CUX2: variants seen among roughly 807,000 people sequenced by gnomAD.
CUX2 encodes the protein homeobox protein cut-like 2.
A neutral mutation model predicts 144.8 loss-of-function variants in CUX2; 40 were observed. The ratio of observed to expected loss-of-function variants is 0.28; its 90% CI spans 0.21 to 0.36. The LOEUF is 0.36. Among genes scored for constraint, CUX2 ranks in the 10% least tolerant of loss-of-function variants. The pLI, the probability that CUX2 is intolerant of heterozygous loss-of-function variation, is 1.00. For synonymous variants in CUX2, 827 were observed against 875.6 expected (o/e 0.94, Z 0.98); for missense variants, 1,615 against 1,994.0 (o/e 0.81, Z 3.62).
chr12:111,060,415 A>C (rs1184673338), intron 1 of CUX2, among the ~76,000 whole-genome samples: 2 of 152,202 alleles, frequency 1.3e-5, no homozygotes, highest in Non-Finnish European at 2.9e-5. Flanking sequence ...CTGATCTGGG[A>C]GGCTCTCCTG....
intron 16 of CUX2, 31 bp from the exon 17 acceptor site, chr12:111,319,981 G>A: frequency 6.9e-7 from 1 of 1,449,642 alleles, no homozygotes; most frequent in Non-Finnish European, 9.0e-7. Flanking sequence ...CTGACCCTGG[G>A]CCTCGGGCCG....
intron 3 of CUX2, among the ~76,000 whole-genome samples, chr12:111,234,410 A>C (rs1882628402): frequency 6.6e-6 from 1 of 152,110 alleles, no homozygotes; most frequent in Non-Finnish European, 1.5e-5. Flanking sequence ...AAAGAGATGA[A>C]CTCTGTTCAG....
chr12:111,329,615 C>T (rs73199874), intron 18 of CUX2, among the ~76,000 whole-genome samples: 30,192 of 151,808 alleles, frequency 0.2, 3,848 homozygotes, highest in African/African-American at 0.37. Flanking sequence ...CTTCAAAGAC[C>T]CTCAGTTTTT....
At chr12:111,219,081 A>G (rs1350017895) in intron 3 of CUX2, among the ~76,000 whole-genome samples, 1 of 152,160 alleles carries the variant, frequency 6.6e-6, no homozygotes, top group Non-Finnish European at 1.5e-5. Flanking sequence ...ACCAGAGGGG[A>G]TGCATTTTAA....
At chr12:111,282,625 TAAA>T (rs3061123) in intron 4 of CUX2, among the ~76,000 whole-genome samples, 14,869 of 104,892 alleles carry the variant, frequency 0.14, 1,427 homozygotes, top group African/African-American at 0.3. Context: ...AAACTCCATC[TAAA>T]AAAAAAAAAA....
chr12:111,034,705 G>C lies in CUX2; in HGVS notation c.63+465G>C, dbSNP rs1566181814. 6.6e-6 allele frequency among the ~76,000 whole-genome samples: 1 copy of C among 151,680 alleles called. No homozygotes were observed. The highest frequency in any genetic ancestry group is 1.5e-5 in the Non-Finnish European group (1 of 67,850). The stretch of plus-strand genomic sequence containing the variant: ...CTCCGGCGAGGGAGGGAGGGAGCTG[G>C]CGGGCAGGGAGGAGGAGGAGGAGAG... On this transcript the variant is annotated intron_variant, in intron 1 of 21. Coordinates refer to ENST00000261726, the MANE Select transcript of CUX2 (RefSeq NM_015267.4). The surrounding 1 kb of genome is among the most constrained non-coding windows in gnomAD (Gnocchi z 4.2).
At position 111,068,476 on chromosome 12, in the gene CUX2, G is replaced by A. The variant is rs1412840495; in HGVS notation, c.63+34236G>A. Among the ~76,000 whole-genome samples the A allele has an allele frequency of 1.3e-5, 2 of 152,220 alleles. No individual in the cohort carries two copies. Among genetic ancestry groups the A allele is most frequent in the Admixed American group, 6.5e-5 (1 of 15,290 alleles). On this transcript the variant is annotated intron_variant, in intron 1 of 21. Transcript: ENST00000261726. This position sits in a 1 kb window ranked among gnomAD's most constrained non-coding sequence, Gnocchi z 4.9. ...CGTCACCCGGGGTGACTGTGGAGAC[G>A]CCTGCAACAGTGAGCTTTTTTATTT...
At chr12:111,072,660 T>C (rs1314391467) in intron 1 of CUX2, among the ~76,000 whole-genome samples, 2 of 152,176 alleles carry the variant, frequency 1.3e-5, no homozygotes, top group Non-Finnish European at 2.9e-5. Flanking sequence ...GGAAATAAAA[T>C]TGATTAAAAT....
intron 1 of CUX2, among the ~76,000 whole-genome samples, chr12:111,079,025 C>T (rs1159231668): frequency 1.3e-5 from 2 of 152,216 alleles, no homozygotes; most frequent in East Asian, 1.9e-4. Context: ...TGCAGCAGAA[C>T]ATTAGCTGTC....
rs768815756 is a variant in CUX2, at chr12:111,338,419, C to T, written c.3330C>T (p.Leu1110=). Residue 1110 remains leucine (L), a synonymous_variant, in exon 20 of 22, where the codon CTC becomes CTT. Transcript: ENST00000261726. ...CTTTTGTCCGCATGCAGCTGTGGCT[C>T]AATGACCCCCATAACGTGGAGAAGC... is the stretch of plus-strand genomic sequence containing the variant. ...REPFVRMQLW[L]NDPHNVEKLR... is the part of the protein sequence containing the mutation. 3.7e-6 allele frequency: 6 copies of T among 1,613,924 alleles called. No homozygotes were observed. In the Admixed American group the frequency reaches 1.0e-4, roughly 27 times the overall value.
At position 111,035,613 on chromosome 12, in the gene CUX2, CTT is replaced by C. The variant is rs60539275; in HGVS notation, c.63+1388_63+1389del. Among the ~76,000 whole-genome samples the C allele has an allele frequency of 6.7e-5, 9 of 135,114 alleles. No homozygotes were observed. The highest frequency in any genetic ancestry group is 1.5e-4 in the Admixed American group (2 of 13,660). 88.6% of individuals were successfully genotyped at this position (135,114 alleles called of 152,430 possible). A position where few individuals can be genotyped will look rare whatever the true frequency, so the allele number is the denominator to read the frequency against. On this transcript the variant is annotated intron_variant, in intron 1 of 21. Coordinates refer to ENST00000261726, the MANE Select transcript of CUX2 (RefSeq NM_015267.4). This position sits in a 1 kb window ranked among gnomAD's most constrained non-coding sequence, Gnocchi z 6.0. ...CAGTCTGGAGATAAAAAGGGACCCA[CTT>C]TTTTTTTTTTTTTTAATCCGCCGGC... is the stretch of plus-strand genomic sequence containing the variant.
At chr12:111,168,218 C>A (rs1878279298) in intron 1 of CUX2, among the ~76,000 whole-genome samples, 1 of 152,172 alleles carries the variant, frequency 6.6e-6, no homozygotes, top group African/African-American at 2.4e-5. Context: ...TGGCTCCTCA[C>A]CTCACCCCAA....
chr12:111,330,696 T>C (rs1425332877), intron 18 of CUX2, among the ~76,000 whole-genome samples: 92 of 6,446 alleles, frequency 0.014, 2 homozygotes, highest in African/African-American at 0.05. Context: ...CATATATATA[T>C]ATATATATAT....
intron 1 of CUX2, among the ~76,000 whole-genome samples, chr12:111,070,392 CT>C (rs55667059): frequency 1.7e-5 from 1 of 59,038 alleles, no homozygotes; most frequent in Non-Finnish European, 3.3e-5. Context: ...TTCCTTCCTT[CT>C]TTCCTTCCTT....
intron 1 of CUX2, among the ~76,000 whole-genome samples, chr12:111,213,245 C>T (rs1881330185): frequency 6.6e-6 from 1 of 152,216 alleles, no homozygotes; most frequent in South Asian, 2.1e-4. Context: ...TGCAAGGAAG[C>T]AGCCGACCAC....
intron 1 of CUX2, among the ~76,000 whole-genome samples, chr12:111,139,267 A>G (rs769956243): frequency 5.3e-5 from 8 of 152,096 alleles, no homozygotes; most frequent in Non-Finnish European, 1.0e-4. Flanking sequence ...TTTGGAGAAG[A>G]GAGAAAGATC....
At chr12:111,073,706 T>A (rs538502503) in intron 1 of CUX2, among the ~76,000 whole-genome samples, 1 of 152,162 alleles carries the variant, frequency 6.6e-6, no homozygotes, top group Admixed American at 6.5e-5. Context: ...ATGCCTATAA[T>A]CCCAATGCTT....
At chr12:111,051,541 A>G (rs1870266350) in intron 1 of CUX2, among the ~76,000 whole-genome samples, 1 of 150,824 alleles carries the variant, frequency 6.6e-6, no homozygotes, top group Non-Finnish European at 1.5e-5. Flanking sequence ...TGATATTGGT[A>G]TAGTTACTCC....
intron 1 of CUX2, among the ~76,000 whole-genome samples, chr12:111,128,839 T>C (rs1875257282): frequency 6.6e-6 from 1 of 152,224 alleles, no homozygotes; most frequent in Admixed American, 6.5e-5. Context: ...TCGGGCACCA[T>C]GGCATCTGCT....
Sources: gnomAD v4.1 joint callset for allele counts (sites outside exome capture counted in the v4.1 genomes callset) on GRCh38, gnomAD v4.1.1 for gene constraint, Gnocchi (gnomAD v3.1) non-coding constraint, MANE v1.5 for transcripts, NCBI Gene and HGNC (gene_info 2026-07-23, HGNC 2026-07-21) for gene names.